The following LUZP2 variants were observed in gnomAD, a reference collection of about 807,000 sequenced individuals.
The protein encoded by LUZP2 is leucine zipper protein 2.
In LUZP2, 52 loss-of-function variants were observed where a neutral mutation model predicts 51.6. The ratio of observed to expected loss-of-function variants is 1.01; its 90% CI spans 0.81 to 1.27. The LOEUF (loss-of-function observed/expected upper bound fraction) is 1.27. Among genes scored for constraint, LUZP2 ranks in the 50% most tolerant of loss-of-function variants. The pLI, the probability that LUZP2 is intolerant of heterozygous loss-of-function variation, is 0.00. For synonymous variants in LUZP2, 154 were observed against 137.3 expected, an observed-to-expected ratio of 1.12 and a Z score of -0.85; for missense variants, 436 against 395.4, an observed-to-expected ratio of 1.10 and a Z score of -0.87.
Position 24,879,198 on chromosome 11 carries a change from C to G in LUZP2, c.397-26793C>G, listed in dbSNP as rs1467187848. 2.6e-5 allele frequency among the ~76,000 whole-genome samples: 4 copies of G among 152,236 alleles called. 1 individual carries two copies. In the East Asian group the frequency reaches 7.7e-4, roughly 29 times the overall value. On this transcript the variant is annotated intron_variant, in intron 5 of 11. Coordinates refer to ENST00000336930, the MANE Select transcript of LUZP2 (RefSeq NM_001009909.4). ...TGACCTCGTGATCCACCCGCCTAGG[C>G]CTCCCAAAGTACTGGGATTACAGGC...
chr11:24,901,076 C>T (rs10834541), intron 5 of LUZP2, among the ~76,000 whole-genome samples: 61,654 of 151,450 alleles, frequency 0.41, 14,672 homozygotes, highest in East Asian at 0.68. Context: ...CAAAACAGAA[C>T]AAAAACAAAA....
chr11:24,508,511 T>A lies in LUZP2; in HGVS notation c.62+11206T>A, dbSNP rs188722082. Among the ~76,000 whole-genome samples, 50 of 152,258 alleles carry A rather than the reference T, an allele frequency of 3.3e-4. 1 individual carries two copies. The East Asian group carries it at 9.1e-3, about 28-fold the overall frequency. On this transcript the variant is annotated intron_variant, in intron 1 of 11. Coordinates refer to ENST00000336930, the MANE Select transcript of LUZP2 (RefSeq NM_001009909.4). ...TATCTTTATGTGTGGAGGCTGTTTT[T>A]TAAAAAATACCAGTGAACTATGGTT...
intron 1 of LUZP2, among the ~76,000 whole-genome samples, chr11:24,637,273 T>C (rs1855137370): frequency 6.6e-6 from 1 of 151,786 alleles, no homozygotes; most frequent in Non-Finnish European, 1.5e-5. Context: ...TTAATACTTT[T>C]ATAATTTCTT....
intron 7 of LUZP2, among the ~76,000 whole-genome samples, chr11:24,966,824 T>G (rs2133889424): frequency 6.8e-6 from 1 of 147,314 alleles, no homozygotes; most frequent in South Asian, 2.1e-4. Context: ...AATGTAAAAA[T>G]ATATATGTAT....
chr11:24,549,559 T>C (rs2403962), intron 1 of LUZP2, among the ~76,000 whole-genome samples: 63,667 of 151,928 alleles, frequency 0.42, 13,847 homozygotes, highest in African/African-American at 0.51. Flanking sequence ...CATAACTGTA[T>C]GTGCAATACT....
At chr11:24,516,105 A>AT (rs142714842) in intron 1 of LUZP2, among the ~76,000 whole-genome samples, 76 of 150,424 alleles carry the variant, frequency 5.1e-4, no homozygotes, top group African/African-American at 1.2e-3. Context: ...CTTATAGTAG[A>AT]TTTTTTTTTT....
chr11:24,894,095 G>GA (rs1332965265), intron 5 of LUZP2, among the ~76,000 whole-genome samples: 1 of 151,726 alleles, frequency 6.6e-6, no homozygotes, highest in Non-Finnish European at 1.5e-5. Context: ...CTAGCACAGA[G>GA]AAGTCAATGA....
Position 24,667,475 on chromosome 11 carries a change from G to A in LUZP2, c.63-61694G>A, listed in dbSNP as rs372953487. Among the ~76,000 whole-genome samples, 104 of 152,144 alleles carry A rather than the reference G, an allele frequency of 6.8e-4. 1 individual carries two copies. In the South Asian group the frequency reaches 0.015, roughly 22 times the overall value. ...GCTGGGATTACAGGCATGAGCTGCC[G>A]CGTCCACCACATGTTCTTAAATGTA... On this transcript the variant is annotated intron_variant, in intron 1 of 11. Transcript: ENST00000336930.
chr11:24,617,922 T>A (rs561256391), intron 1 of LUZP2, among the ~76,000 whole-genome samples: 19 of 152,168 alleles, frequency 1.2e-4, no homozygotes. Context: ...ATGAAACTCT[T>A]GTCTTATTTA....
At chr11:25,002,080 A>G (rs1234785595) in intron 9 of LUZP2, among the ~76,000 whole-genome samples, 1 of 152,232 alleles carries the variant, frequency 6.6e-6, no homozygotes, top group Non-Finnish European at 1.5e-5. Context: ...CAGCATGGGC[A>G]TGAAGGATTA....
intron 5 of LUZP2, among the ~76,000 whole-genome samples, chr11:24,868,590 T>C (rs1803006939): frequency 6.6e-6 from 1 of 152,162 alleles, no homozygotes. Flanking sequence ...GAAGAAATTA[T>C]ATTTTCTCCC....
At chr11:24,524,772 C>T (rs965279572) in intron 1 of LUZP2, among the ~76,000 whole-genome samples, 1 of 151,646 alleles carries the variant, frequency 6.6e-6, no homozygotes, top group Non-Finnish European at 1.5e-5. Flanking sequence ...CCTTGAATGT[C>T]ATCTCATTTA....
rs373837921 is a variant in LUZP2, at chr11:24,648,026, G to A, written c.63-81143G>A. On this transcript the variant is annotated intron_variant, in intron 1 of 11. Coordinates refer to ENST00000336930, the MANE Select transcript of LUZP2 (RefSeq NM_001009909.4). Reference sequence around the variant, plus strand: ...ACCTTTGAACTTTCTTTCTTCACCTGCTGTGCTAGCCCTGTTTTCCTCTAG... The same window carrying A: ...ACCTTTGAACTTTCTTTCTTCACCTACTGTGCTAGCCCTGTTTTCCTCTAG... Among the ~76,000 whole-genome samples the A allele has an allele frequency of 5.4e-4, 82 of 151,830 alleles. 1 individual carries two copies. In the South Asian group the frequency reaches 9.6e-3, roughly 18 times the overall value.
intron 1 of LUZP2, among the ~76,000 whole-genome samples, chr11:24,673,699 T>A (rs1036261905): frequency 4.6e-5 from 7 of 152,160 alleles, no homozygotes; most frequent in Non-Finnish European, 1.0e-4. Flanking sequence ...TTAACAGATA[T>A]GACATGTACA....
At chr11:24,710,759 CA>C (rs1430286707) in intron 1 of LUZP2, among the ~76,000 whole-genome samples, 1 of 145,386 alleles carries the variant, frequency 6.9e-6, no homozygotes, top group African/African-American at 2.7e-5. Context: ...AAATTTATCA[CA>C]TTTTTTTTGC....
At chr11:24,718,529 A>G (rs1192289467) in intron 1 of LUZP2, among the ~76,000 whole-genome samples, 1 of 152,168 alleles carries the variant, frequency 6.6e-6, no homozygotes, top group Non-Finnish European at 1.5e-5. Context: ...AGTATTTTGC[A>G]TTATCGCATT....
rs1554964354 is a variant in LUZP2 at position 25,081,029 on chromosome 11, A to ATAT, written c.*2372_*2373insATT. The ATAT allele has an allele frequency of 9.9e-6, 1 of 100,706 alleles. No individual in the cohort carries two copies. The allele number at this position is 100,706 out of a possible 1,614,324, so 6.2% of individuals were successfully genotyped here. A position where few individuals can be genotyped will look rare whatever the true frequency, so the allele number is the denominator to read the frequency against. On this transcript the variant is annotated 3_prime_UTR_variant, in exon 12 of 12. Coordinates refer to ENST00000336930, the MANE Select transcript of LUZP2 (RefSeq NM_001009909.4). ...ATCAAGTGGGCTTTGGATCCATATG[A>ATAT]TTTTTTTTTTTTTTTTTTTTTGAGA...
At chr11:25,041,305 A>G (rs1397281326) in intron 9 of LUZP2, among the ~76,000 whole-genome samples, 1 of 152,170 alleles carries the variant, frequency 6.6e-6, no homozygotes, top group Non-Finnish European at 1.5e-5. Flanking sequence ...TAATAATAAA[A>G]TAGAACAATT....
At chr11:24,972,820 C>T (rs535215281) in intron 7 of LUZP2, among the ~76,000 whole-genome samples, 6 of 115,538 alleles carry the variant, frequency 5.2e-5, no homozygotes, top group East Asian at 2.5e-4. Context: ...CTGCTGGATT[C>T]GGTTTGCCAG....
Sources: allele counts gnomAD v4.1 joint callset (sites outside exome capture counted in the v4.1 genomes callset), GRCh38; gene constraint gnomAD v4.1.1; transcripts MANE v1.5; gene names NCBI Gene and HGNC (gene_info 2026-07-23, HGNC 2026-07-21).